Variants in KIF6 observed in about 807,000 individuals in gnomAD.
KIF6 encodes kinesin-like protein KIF6.
In KIF6, 106 loss-of-function variants were observed where a neutral mutation model predicts 112.7. That is an observed-to-expected ratio of 0.94 (90% CI 0.80 to 1.11). The LOEUF (loss-of-function observed/expected upper bound fraction) is 1.11. Among genes scored for constraint, KIF6 ranks in the 50% least tolerant of loss-of-function variants. The probability of loss-of-function intolerance (pLI) is 0.00; values close to 1 mark genes in which losing one functional copy is unlikely to be tolerated. For synonymous variants in KIF6, 339 were observed against 339.9 expected, an observed-to-expected ratio of 1.00 and a Z score of 0.03; for missense variants, 929 against 964.0, an observed-to-expected ratio of 0.96 and a Z score of 0.48.
At chr6:39,379,649 G>A (rs925560989) in intron 16 of KIF6, among the ~76,000 whole-genome samples, 1 of 152,196 alleles carries the variant, frequency 6.6e-6, no homozygotes, top group Admixed American at 6.5e-5. Context: ...GAAGAGGACA[G>A]TGAATGGAAG....
intron 3 of KIF6, among the ~76,000 whole-genome samples, chr6:39,659,863 C>A (rs150295940): frequency 1.8e-4 from 28 of 152,280 alleles, no homozygotes; most frequent in African/African-American, 6.3e-4. Flanking sequence ...CATGGTTGAT[C>A]AGCACAACAA....
intron 15 of KIF6, among the ~76,000 whole-genome samples, chr6:39,398,584 G>A (rs1026341394): frequency 3.9e-5 from 6 of 152,208 alleles, no homozygotes; most frequent in African/African-American, 1.4e-4. Context: ...GTTTGTACAT[G>A]TAAGGTAAAG....
chr6:39,575,613 G>C (rs1204505363), intron 10 of KIF6, among the ~76,000 whole-genome samples: 1 of 152,124 alleles, frequency 6.6e-6, no homozygotes, highest in Admixed American at 6.5e-5. Context: ...GGTAAATAAA[G>C]CTAAAGACAG....
chr6:39,605,796 T>C (rs1782853312), intron 6 of KIF6, among the ~76,000 whole-genome samples: 1 of 152,108 alleles, frequency 6.6e-6, no homozygotes, highest in Admixed American at 6.6e-5. Flanking sequence ...TGACTTGTAT[T>C]TTCTGACTAG....
At chr6:39,447,161 C>T (rs1161761961) in intron 13 of KIF6, among the ~76,000 whole-genome samples, 4 of 152,176 alleles carry the variant, frequency 2.6e-5, no homozygotes, top group African/African-American at 9.6e-5. Flanking sequence ...TCTGTGTTCT[C>T]TGCTTCCCAA....
chr6:39,530,843 A>T (rs1340591544), intron 13 of KIF6, among the ~76,000 whole-genome samples: 2 of 152,166 alleles, frequency 1.3e-5, no homozygotes, highest in Admixed American at 6.5e-5. Context: ...AAAACAACAT[A>T]CTTATTAATT....
At chr6:39,590,449 A>ATTTTT (rs1443033247) in intron 7 of KIF6, among the ~76,000 whole-genome samples, 20 of 96,506 alleles carry the variant, frequency 2.1e-4, no homozygotes, top group African/African-American at 5.6e-4. Context: ...ATATATATAT[A>ATTTTT]TATTTTTTTT....
At chr6:39,693,590 C>G (rs1414954239) in intron 3 of KIF6, among the ~76,000 whole-genome samples, 3 of 151,994 alleles carry the variant, frequency 2.0e-5, no homozygotes, top group African/African-American at 4.8e-5. Flanking sequence ...ATCCTAGAAA[C>G]ACACAATCTC....
chr6:39,589,198 G>A (rs1781799902), intron 7 of KIF6, among the ~76,000 whole-genome samples: 1 of 152,122 alleles, frequency 6.6e-6, no homozygotes, highest in South Asian at 2.1e-4. Context: ...TTTCCATACA[G>A]CATACAGCTT....
At chr6:39,344,212 C>T (rs1763540644) in intron 21 of KIF6, among the ~76,000 whole-genome samples, 1 of 152,310 alleles carries the variant, frequency 6.6e-6, no homozygotes, top group Middle Eastern at 3.4e-3. Context: ...CGAGGTTTCC[C>T]CTCTCACTTG....
At chr6:39,345,584 G>T in intron 21 of KIF6, 116 bp downstream of exon 21, 1 of 761,548 alleles carries the variant, frequency 1.3e-6, no homozygotes, top group Non-Finnish European at 2.1e-6. Context: ...GCCAGACCTG[G>T]GTTCTGTCTG....
chr6:39,690,003 TC>T (rs1788097374), intron 3 of KIF6: 2 of 152,244 alleles, frequency 1.3e-5, no homozygotes, highest in African/African-American at 4.8e-5. Context: ...TATTTAAAAA[TC>T]ACATTTTTAA....
intron 13 of KIF6, among the ~76,000 whole-genome samples, chr6:39,437,809 A>G (rs1296861067): frequency 6.6e-6 from 1 of 152,196 alleles, no homozygotes; most frequent in East Asian, 1.9e-4. Flanking sequence ...ATAATGTCAT[A>G]GTGCAACACA....
At chr6:39,639,472 G>T (rs531774319) in intron 4 of KIF6, 138 bp downstream of exon 4, 7 of 677,416 alleles carry the variant, frequency 1.0e-5, no homozygotes, top group African/African-American at 5.6e-5. Context: ...CTCCTTAAAG[G>T]TAAAGGCCAA....
Position 39,711,919 on chromosome 6 carries a change from G to GAGAC in KIF6, c.251+2769_251+2772dup, listed in dbSNP as rs1315535741. 5.3e-5 allele frequency among the ~76,000 whole-genome samples: 8 copies of GAGAC among 152,210 alleles called. No homozygotes were observed. In the East Asian group the frequency reaches 1.5e-3, roughly 29 times the overall value. ...AGACAGAGAGAGCAAGACAGAGACA[G>GAGAC]AGACAAAGTTTTTGATATTGAGAAA... On this transcript the variant is annotated intron_variant, in intron 3 of 22. Transcript: ENST00000287152.
chr6:39,383,275 T>G (rs2150310239), intron 16 of KIF6, among the ~76,000 whole-genome samples: 1 of 152,348 alleles, frequency 6.6e-6, no homozygotes, highest in East Asian at 1.9e-4. Context: ...CTAGGTTTTC[T>G]TCTAGAATTT....
At chr6:39,714,647 C>G in intron 3 of KIF6, 45 bp downstream of exon 3, 1 of 1,325,310 alleles carries the variant, frequency 7.5e-7, no homozygotes, top group Non-Finnish European at 1.1e-6. Flanking sequence ...TTGAAGGCAA[C>G]ATGAAAAACC....
At chr6:39,374,397 G>A (rs758979237) in intron 16 of KIF6, among the ~76,000 whole-genome samples, 6 of 152,142 alleles carry the variant, frequency 3.9e-5, no homozygotes, top group South Asian at 4.1e-4. Context: ...AGACTAAAAC[G>A]CTTTTGCACA....
intron 13 of KIF6, among the ~76,000 whole-genome samples, chr6:39,482,558 T>C (rs959162171): frequency 6.6e-6 from 1 of 152,218 alleles, no homozygotes; most frequent in Admixed American, 6.5e-5. Flanking sequence ...TATAACCTCA[T>C]TCACCCTCCC....
Sources: allele counts gnomAD v4.1 joint callset (sites outside exome capture counted in the v4.1 genomes callset), GRCh38; gene constraint gnomAD v4.1.1; transcripts MANE v1.5; gene names NCBI Gene and HGNC (gene_info 2026-07-23, HGNC 2026-07-21).